ITGB5: variants seen among roughly 807,000 people sequenced by gnomAD.
The protein encoded by ITGB5 is integrin subunit beta 5, also known as integrin beta-5.
ITGB5 carries 38 observed loss-of-function variants against 84.8 expected under a neutral mutation model. The observed-to-expected ratio is 0.45, with a 90% CI of 0.35 to 0.59. The LOEUF is 0.59. ITGB5 is among the 20% of genes least tolerant of loss of function. The pLI is 0.01. For missense variants in ITGB5, 905 were observed against 1,034.5 expected, an observed-to-expected ratio of 0.87 and a Z score of 1.72; for synonymous variants, 393 against 414.4, an observed-to-expected ratio of 0.95 and a Z score of 0.63.
chr3:124,804,691 G>A (rs1027826349), intron 9 of ITGB5, among the ~76,000 whole-genome samples: 9 of 151,848 alleles, frequency 5.9e-5, no homozygotes, highest in African/African-American at 2.2e-4. Context: ...TTTTGAGAAG[G>A]AGTCTTGTTC....
chr3:124,794,799 A>G (rs1173559720), intron 10 of ITGB5, among the ~76,000 whole-genome samples: 1 of 149,968 alleles, frequency 6.7e-6, no homozygotes, highest in African/African-American at 2.5e-5. Flanking sequence ...AAAAGAAACA[A>G]GAAAGAAAGA....
chr3:124,841,319 A>G (rs1238318880), intron 5 of ITGB5, 64 bp downstream of exon 5: 1 of 1,512,542 alleles, frequency 6.6e-7, no homozygotes, highest in African/African-American at 1.4e-5. Context: ...GGAAGTACCA[A>G]CACCCACTGA....
intron 10 of ITGB5, among the ~76,000 whole-genome samples, chr3:124,776,024 G>A (rs1488882583): frequency 2.0e-5 from 3 of 152,236 alleles, no homozygotes; most frequent in East Asian, 1.9e-4. Context: ...CACAGGCAGC[G>A]CTGAAGCAGA....
intron 12 of ITGB5, among the ~76,000 whole-genome samples, chr3:124,766,862 A>AGGCTGGTGCCCACCGT (rs2063775281): frequency 6.6e-6 from 1 of 152,196 alleles, no homozygotes; most frequent in Non-Finnish European, 1.5e-5. Flanking sequence ...ACTGGGTGAG[A>AGGCTGGTGCCCACCGT]GGCTGGTGCC....
At chr3:124,816,788 C>G (rs3772836) in intron 8 of ITGB5, among the ~76,000 whole-genome samples, 1 of 151,990 alleles carries the variant, frequency 6.6e-6, no homozygotes, top group Non-Finnish European at 1.5e-5. Flanking sequence ...CCTAAACCAC[C>G]TCTATAAGAA....
chr3:124,839,150 G>A (rs1299602541), intron 5 of ITGB5, among the ~76,000 whole-genome samples: 1 of 152,226 alleles, frequency 6.6e-6, no homozygotes, highest in Admixed American at 6.5e-5. Flanking sequence ...ATAATTCTGA[G>A]CAATCATTAA....
chr3:124,838,768 A>C (rs1381809093), intron 5 of ITGB5, among the ~76,000 whole-genome samples: 1 of 151,900 alleles, frequency 6.6e-6, no homozygotes, highest in Non-Finnish European at 1.5e-5. Context: ...CGCCCGGCTA[A>C]TTTTTTGTAT....
chr3:124,814,368 G>A (rs1206547709), intron 8 of ITGB5, among the ~76,000 whole-genome samples: 3 of 151,304 alleles, frequency 2.0e-5, no homozygotes, highest in African/African-American at 7.3e-5. Flanking sequence ...TGGTGGCGAC[G>A]GTTTCACAGG....
At chr3:124,819,561 G>A (rs990495835) in intron 7 of ITGB5, among the ~76,000 whole-genome samples, 178 bp downstream of exon 7, 1 of 152,098 alleles carries the variant, frequency 6.6e-6, no homozygotes, top group Non-Finnish European at 1.5e-5. Flanking sequence ...CAAATTTCTT[G>A]TAAGGTATTC....
chr3:124,821,142 G>A (rs189629339), intron 6 of ITGB5, among the ~76,000 whole-genome samples, 171 bp downstream of exon 6: 122 of 152,298 alleles, frequency 8.0e-4, no homozygotes, highest in Admixed American at 2.5e-3. Context: ...TAGGAGTTCC[G>A]GAAACCCAGT....
intron 3 of ITGB5, among the ~76,000 whole-genome samples, chr3:124,850,706 A>G (rs1446275960): frequency 1.0e-5 from 1 of 97,020 alleles, no homozygotes; most frequent in Non-Finnish European, 2.3e-5. Flanking sequence ...AATAATTTAA[A>G]AAAACAAAAA....
chr3:124,763,558 G>C lies in ITGB5; in HGVS notation c.*65C>G. 1.0e-6 allele frequency: 1 copy of C among 978,330 alleles called. No homozygotes were observed. The highest frequency in any genetic ancestry group is 1.6e-6 in the Non-Finnish European group (1 of 609,832). The allele number at this position is 978,330 out of a possible 1,614,324, so 60.6% of individuals were successfully genotyped here. On this transcript the variant is annotated 3_prime_UTR_variant, in exon 15 of 15. Coordinates refer to ENST00000296181, the MANE Select transcript of ITGB5 (RefSeq NM_002213.5). ...GGAGCTGTGATCAAGCCGAGCAGCCGTGCAAGGCGTTTCAGTCTGACCTTT... is the reference window on the plus strand; with the variant it reads ...GGAGCTGTGATCAAGCCGAGCAGCCCTGCAAGGCGTTTCAGTCTGACCTTT...
intron 12 of ITGB5, 52 bp downstream of exon 12, chr3:124,768,961 T>C: frequency 6.9e-7 from 1 of 1,446,388 alleles, no homozygotes. Flanking sequence ...ACTACCCTCC[T>C]CCCCAGGAAG....
intron 10 of ITGB5, among the ~76,000 whole-genome samples, chr3:124,778,360 A>G (rs1462862671): frequency 6.6e-6 from 1 of 152,246 alleles, no homozygotes; most frequent in Non-Finnish European, 1.5e-5. Context: ...TGTGTGGGCT[A>G]TGGGCCAAGA....
rs2150916015 is a variant in ITGB5, at chr3:124,763,448, G to A, written c.*175C>T. The A allele has an allele frequency of 2.0e-6, 1 of 504,882 alleles. No individual in the cohort carries two copies. Among genetic ancestry groups the A allele is most frequent in the Admixed American group, 3.6e-5 (1 of 27,506 alleles). The allele number at this position is 504,882 out of a possible 1,614,324, so 31.3% of individuals were successfully genotyped here. On this transcript the variant is annotated 3_prime_UTR_variant, in exon 15 of 15. Transcript: ENST00000296181. ...CATGGCTCTGGCCTAGCAGCCAGGT[G>A]ACATGGCCAGGCACCTTCCTGTACA...
intron 9 of ITGB5, among the ~76,000 whole-genome samples, chr3:124,803,482 G>A (rs759130033): frequency 3.9e-5 from 6 of 152,190 alleles, no homozygotes; most frequent in South Asian, 2.1e-4. Flanking sequence ...CGTTGGACAC[G>A]GCACATTGGA....
intron 5 of ITGB5, among the ~76,000 whole-genome samples, chr3:124,836,057 C>T (rs2064931188): frequency 6.6e-6 from 1 of 152,204 alleles, no homozygotes; most frequent in Non-Finnish European, 1.5e-5. Flanking sequence ...CACCTCCCTC[C>T]AGTCCCATGC....
intron 11 of ITGB5, among the ~76,000 whole-genome samples, chr3:124,770,842 C>G (rs2063831976): frequency 6.6e-6 from 1 of 152,204 alleles, no homozygotes; most frequent in Non-Finnish European, 1.5e-5. Context: ...GGCTGGGGGC[C>G]AGGAAGGGGT....
intron 9 of ITGB5, among the ~76,000 whole-genome samples, chr3:124,800,670 A>C (rs2064301736): frequency 6.7e-6 from 1 of 150,306 alleles, no homozygotes; most frequent in African/African-American, 2.4e-5. Context: ...CCTGCTGGGC[A>C]CGGGAAGTGC....
Sources: gnomAD v4.1 joint callset for allele counts (sites outside exome capture counted in the v4.1 genomes callset) on GRCh38, gnomAD v4.1.1 for gene constraint, MANE v1.5 for transcripts, NCBI Gene and HGNC (gene_info 2026-07-23, HGNC 2026-07-21) for gene names.